The following NEDD1 variants were observed in gnomAD, a reference collection of about 807,000 sequenced individuals.
NEDD1 encodes protein NEDD1.
A neutral mutation model predicts 74.0 loss-of-function variants in NEDD1; 33 were observed. The observed-to-expected ratio is 0.45, with a 90% CI of 0.34 to 0.60. The LOEUF (loss-of-function observed/expected upper bound fraction) is 0.60, where lower values mean the gene tolerates loss of function less well. Among genes scored for constraint, NEDD1 ranks in the 20% least tolerant of loss-of-function variants. The pLI is 0.01. For missense variants in NEDD1, 746 were observed against 776.5 expected, an observed-to-expected ratio of 0.96 and a Z score of 0.47; for synonymous variants, 250 against 264.4, an observed-to-expected ratio of 0.95 and a Z score of 0.53.
At chr12:96,947,228 G>A (rs1878284457) in intron 14 of NEDD1, among the ~76,000 whole-genome samples, 1 of 151,940 alleles carries the variant, frequency 6.6e-6, no homozygotes, top group South Asian at 2.1e-4. Flanking sequence ...TTTTTCAGGA[G>A]TGCATAAATA....
chr12:96,948,855 C>T (rs1025390091), intron 14 of NEDD1, among the ~76,000 whole-genome samples: 1 of 152,154 alleles, frequency 6.6e-6, no homozygotes, highest in Non-Finnish European at 1.5e-5. Flanking sequence ...CTCTATTTTG[C>T]CAGCATCACA....
chr12:96,935,706 A>G (rs1877014631), intron 7 of NEDD1, among the ~76,000 whole-genome samples: 1 of 152,184 alleles, frequency 6.6e-6, no homozygotes, highest in Non-Finnish European at 1.5e-5. Context: ...GTAACCAGGG[A>G]CAACCTGGGA....
intron 4 of NEDD1, among the ~76,000 whole-genome samples, chr12:96,915,660 T>C (rs1874362238): frequency 6.6e-6 from 1 of 152,176 alleles, no homozygotes; most frequent in South Asian, 2.1e-4. Flanking sequence ...ATCTAAAGGT[T>C]ACTTAGGAAA....
rs1302534941 is a variant in NEDD1 at position 96,907,263 on chromosome 12, G to C, written c.-299G>C. ...AGGCGGGAGCCGGAAGCCCAGCGCGGAGCCGGCCGCGGCCCCCTGTTGTGT... is the reference window on the plus strand; with the variant it reads ...AGGCGGGAGCCGGAAGCCCAGCGCGCAGCCGGCCGCGGCCCCCTGTTGTGT... On this transcript the variant is annotated 5_prime_UTR_variant, in exon 1 of 16. Transcript: ENST00000266742. The C allele has an allele frequency of 3.0e-5, 7 of 236,950 alleles. No individual in the cohort carries two copies. The highest frequency in any genetic ancestry group is 1.3e-4 in the South Asian group (1 of 7,990). The allele number at this position is 236,950 out of a possible 1,614,324, so 14.7% of individuals were successfully genotyped here. A position where few individuals can be genotyped will look rare whatever the true frequency, so the allele number is the denominator to read the frequency against.
At chr12:96,925,629 C>T (rs1464869201) in intron 6 of NEDD1, among the ~76,000 whole-genome samples, 1 of 152,130 alleles carries the variant, frequency 6.6e-6, no homozygotes, top group African/African-American at 2.4e-5. Flanking sequence ...GTGCAGGAGT[C>T]CAACATGTAC....
In NEDD1 at chr12:96,953,751, A is replaced by G. The variant is rs903002588; in HGVS notation, c.*1698A>G. On this transcript the variant is annotated 3_prime_UTR_variant, in exon 16 of 16. Coordinates refer to ENST00000266742, the MANE Select transcript of NEDD1 (RefSeq NM_152905.4). ...AATGATATGAGAGATTTACCTTCCCACCTGAAATTAAAAAAGAAAATATGT... is the reference window on the plus strand; with the variant it reads ...AATGATATGAGAGATTTACCTTCCCGCCTGAAATTAAAAAAGAAAATATGT... 6.6e-6 allele frequency: 1 copy of G among 151,886 alleles called. No homozygotes were observed. Among genetic ancestry groups the G allele is most frequent in the African/African-American group, 2.4e-5 (1 of 41,440 alleles). The allele number at this position is 151,886 out of a possible 1,614,324, so 9.4% of individuals were successfully genotyped here.
At chr12:96,917,090 A>C (rs907377413) in intron 4 of NEDD1, among the ~76,000 whole-genome samples, 2 of 152,290 alleles carry the variant, frequency 1.3e-5, no homozygotes, top group South Asian at 4.1e-4. Context: ...TGATGACCTG[A>C]TGTCTGAGAC....
rs529789220 is a variant in NEDD1, at chr12:96,912,817, G to A, written c.231G>A (p.Gly77=). 11 of 1,543,554 alleles carry A rather than the reference G, an allele frequency of 7.1e-6. No individual in the cohort carries two copies. The South Asian group carries it at 1.1e-4, about 15-fold the overall frequency. The change falls in exon 4 of 16, where the codon GGG becomes GGA. Residue 77 remains glycine, a splice_region_variant and synonymous_variant. Transcript: ENST00000266742. ...KPVPLLELAE[G]QKQTCVNLNS... ...TTCCACTTTTAGAGCTTGCTGAAGGGGTAAGTGATTTTTTTTTTTTTTAAA... is the reference window on the plus strand; with the variant it reads ...TTCCACTTTTAGAGCTTGCTGAAGGAGTAAGTGATTTTTTTTTTTTTTAAA...
intron 6 of NEDD1, among the ~76,000 whole-genome samples, chr12:96,930,186 CA>C (rs1876243106): frequency 7.3e-6 from 1 of 137,384 alleles, no homozygotes; most frequent in Non-Finnish European, 1.5e-5. Context: ...CACACACACA[CA>C]CACACACACA....
intron 6 of NEDD1, among the ~76,000 whole-genome samples, chr12:96,924,017 A>G (rs1431179868): frequency 7.2e-5 from 11 of 151,942 alleles, no homozygotes; most frequent in Admixed American, 2.0e-4. Flanking sequence ...TTGTTGTTTT[A>G]TCTTTCTTAT....
chr12:96,932,459 A>T (rs1239551805), intron 6 of NEDD1, among the ~76,000 whole-genome samples: 191 of 11,938 alleles, frequency 0.016, 3 homozygotes, highest in Non-Finnish European at 0.027. Flanking sequence ...AAAAAAAAAA[A>T]AAAAATATAT....
chr12:96,923,151 T>C (rs915494982), intron 6 of NEDD1, among the ~76,000 whole-genome samples: 6 of 152,100 alleles, frequency 3.9e-5, no homozygotes, highest in East Asian at 1.9e-4. Context: ...CATATGTGTC[T>C]GGTTTCTTTT....
At chr12:96,915,347 A>ATAGTTTT in intron 4 of NEDD1, among the ~76,000 whole-genome samples, 1 of 152,300 alleles carries the variant, frequency 6.6e-6, no homozygotes, top group East Asian at 1.9e-4. Flanking sequence ...TAGCATGTTT[A>ATAGTTTT]TAGTATTTGA....
rs1217419808 is a variant in NEDD1 at position 96,907,290 on chromosome 12, G to C, written c.-272G>C. The C allele has an allele frequency of 1.4e-5, 4 of 294,134 alleles. No individual in the cohort carries two copies. Among genetic ancestry groups the C allele is most frequent in the Non-Finnish European group, 2.5e-5 (4 of 160,946 alleles). The allele number at this position is 294,134 out of a possible 1,614,324, so 18.2% of individuals were successfully genotyped here. ...GCCGGCCGCGGCCCCCTGTTGTGTT[G>C]CTGCGGAGAGGTGAGGTTCCGGAGG... On this transcript the variant is annotated 5_prime_UTR_variant, in exon 1 of 16. Coordinates refer to ENST00000266742, the MANE Select transcript of NEDD1 (RefSeq NM_152905.4).
intron 9 of NEDD1, among the ~76,000 whole-genome samples, chr12:96,940,128 A>G (rs1208948088): frequency 6.6e-6 from 1 of 152,056 alleles, no homozygotes; most frequent in East Asian, 1.9e-4. Flanking sequence ...CAAAATGGCT[A>G]AAATAAGGTA....
rs1340770828 is a variant in NEDD1 at position 96,937,334 on chromosome 12, T to C, written c.1058T>C (p.Leu353Pro). 1.2e-6 allele frequency: 2 copies of C among 1,612,274 alleles called. No homozygotes were observed. The highest frequency in any genetic ancestry group is 1.7e-5 in the Admixed American group (1 of 59,798). Reference sequence around the variant, plus strand: ...CCTGCCACGTCCATTGCCACAGTTCTACCACAACCTATGACATCAGCTATG... The same window carrying C: ...CCTGCCACGTCCATTGCCACAGTTCCACCACAACCTATGACATCAGCTATG... The part of the protein sequence containing the change: ...EAPATSIATV[L>P]PQPMTSAMGK... Residue 353 changes from leucine to proline, a missense_variant, in exon 9 of 16, where the codon CTA becomes CCA. Physicochemically the swap from Leu to Pro is moderately conservative, Grantham distance 98 (BLOSUM62 -3). Coordinates refer to ENST00000266742, the MANE Select transcript of NEDD1 (RefSeq NM_152905.4).
intron 4 of NEDD1, among the ~76,000 whole-genome samples, chr12:96,915,577 G>A (rs1013529579): frequency 1.3e-5 from 2 of 152,188 alleles, no homozygotes; most frequent in Admixed American, 1.3e-4. Flanking sequence ...TTGAAGTCAT[G>A]AAATGTCTCC....
chr12:96,948,576 T>C (rs1878416002), intron 14 of NEDD1, among the ~76,000 whole-genome samples: 1 of 152,238 alleles, frequency 6.6e-6, no homozygotes, highest in African/African-American at 2.4e-5. Flanking sequence ...TTTGTTTTCG[T>C]TATTAGAGTT....
Position 96,947,955 on chromosome 12 carries a change from C to T in NEDD1, c.1811+2106C>T, listed in dbSNP as rs115042864. Among the ~76,000 whole-genome samples the T allele has an allele frequency of 4.8e-3, 734 of 152,294 alleles. 4 individuals are homozygous for T. Among genetic ancestry groups the T allele is most frequent in the African/African-American group, 0.016 (674 of 41,560 alleles). On this transcript the variant is annotated intron_variant, in intron 14 of 15. Coordinates refer to ENST00000266742, the MANE Select transcript of NEDD1 (RefSeq NM_152905.4). ...GACCATAGGCAGCCTCTGCCTGGGA[C>T]GCAGTGAAGACCCAGAGTGGCTCAG...
Sources: gnomAD v4.1 joint callset for allele counts (sites outside exome capture counted in the v4.1 genomes callset) on GRCh38, gnomAD v4.1.1 for gene constraint, MANE v1.5 for transcripts, NCBI Gene and HGNC (gene_info 2026-07-23, HGNC 2026-07-21) for gene names.